CNTNAP4: variants seen among roughly 807,000 people sequenced by gnomAD.
CNTNAP4 encodes contactin-associated protein-like 4.
CNTNAP4 carries 98 observed loss-of-function variants against 148.4 expected under a neutral mutation model. That is an observed-to-expected ratio of 0.66 (90% confidence interval 0.56 to 0.78). The LOEUF is 0.78. Ranked by LOEUF, CNTNAP4 falls within the 30% of genes least tolerant of loss-of-function variation. CNTNAP4 has a pLI of 0.00. For synonymous variants in CNTNAP4, 730 were observed against 565.1 expected (o/e 1.29, Z -4.14); for missense variants, 1,935 against 1,565.6 (o/e 1.24, Z -3.98).
intron 3 of CNTNAP4, among the ~76,000 whole-genome samples, chr16:76,425,849 G>C (rs928198873): frequency 6.6e-5 from 10 of 152,140 alleles, no homozygotes; most frequent in Non-Finnish European, 1.5e-4. Flanking sequence ...TTTAGATTTT[G>C]TTCTAAGTGG....
intron 15 of CNTNAP4, among the ~76,000 whole-genome samples, chr16:76,518,268 C>G (rs780289997): frequency 6.6e-6 from 1 of 152,198 alleles, no homozygotes; most frequent in South Asian, 2.1e-4. Context: ...GTGGGGGTTA[C>G]AGGCATCTGC....
At chr16:76,477,019 A>G (rs1183988936) in intron 11 of CNTNAP4, among the ~76,000 whole-genome samples, 1 of 151,954 alleles carries the variant, frequency 6.6e-6, no homozygotes, top group Non-Finnish European at 1.5e-5. Context: ...CTATGTCCTA[A>G]CTCGTTTAAT....
intron 3 of CNTNAP4, among the ~76,000 whole-genome samples, chr16:76,402,549 T>G (rs896360798): frequency 1.3e-5 from 2 of 152,190 alleles, no homozygotes; most frequent in South Asian, 4.1e-4. Flanking sequence ...CGTTTCTTGA[T>G]TTCCTTCAGT....
chr16:76,458,068 T>C (rs1044418244), intron 8 of CNTNAP4, among the ~76,000 whole-genome samples: 4 of 152,178 alleles, frequency 2.6e-5, no homozygotes, highest in African/African-American at 9.7e-5. Context: ...TGTTTTTGTG[T>C]TAATTCACTT....
rs543383543 is a variant in CNTNAP4 at position 76,453,895 on chromosome 16, C to G, written c.1333+1126C>G. Among the ~76,000 whole-genome samples, 13 of 151,768 alleles carry G rather than the reference C, an allele frequency of 8.6e-5. No individual in the cohort carries two copies. In the South Asian group the frequency reaches 2.7e-3, roughly 32 times the overall value. On this transcript the variant is annotated intron_variant, in intron 8 of 23. Transcript: ENST00000611870. ...AAATGTGGTAGATTTGCTGGCTAGA[C>G]AAAAAGAAATAAATTAATGAGTCTC...
intron 12 of CNTNAP4, among the ~76,000 whole-genome samples, chr16:76,487,414 C>T (rs1219279488): frequency 6.6e-6 from 1 of 152,174 alleles, no homozygotes; most frequent in Non-Finnish European, 1.5e-5. Flanking sequence ...GTAAAGTCAA[C>T]CACAAAGTAT....
intron 15 of CNTNAP4, among the ~76,000 whole-genome samples, chr16:76,517,090 TA>T (rs1401678846): frequency 6.6e-6 from 1 of 152,194 alleles, no homozygotes; most frequent in African/African-American, 2.4e-5. Flanking sequence ...TGATTTTTTT[TA>T]AAAGTAAGCC....
At chr16:76,412,864 A>G (rs2078846152) in intron 3 of CNTNAP4, among the ~76,000 whole-genome samples, 1 of 151,494 alleles carries the variant, frequency 6.6e-6, no homozygotes, top group Admixed American at 6.6e-5. Context: ...AAAATCGTGA[A>G]AATATTCAGC....
At chr16:76,376,448 T>C (rs2015421565) in intron 3 of CNTNAP4, among the ~76,000 whole-genome samples, 1 of 152,128 alleles carries the variant, frequency 6.6e-6, no homozygotes, top group Non-Finnish European at 1.5e-5. Flanking sequence ...GTCTTCTTAT[T>C]ATAAAGGAAG....
At chr16:76,423,866 A>G (rs950884864) in intron 3 of CNTNAP4, among the ~76,000 whole-genome samples, 64 of 152,258 alleles carry the variant, frequency 4.2e-4, no homozygotes, top group Middle Eastern at 3.4e-3. Flanking sequence ...CCAGAGTGCT[A>G]CTAAGTAATG....
chr16:76,397,015 A>C (rs372215756), intron 3 of CNTNAP4, among the ~76,000 whole-genome samples: 4 of 152,298 alleles, frequency 2.6e-5, no homozygotes, highest in African/African-American at 9.6e-5. Flanking sequence ...TTGGGACTTA[A>C]GCAATGGAGA....
intron 3 of CNTNAP4, among the ~76,000 whole-genome samples, chr16:76,361,251 G>A (rs912180920): frequency 2.6e-5 from 4 of 152,086 alleles, no homozygotes; most frequent in Non-Finnish European, 5.9e-5. Context: ...GGACTCAATC[G>A]TTTTGCTTAA....
At chr16:76,297,737 C>T (rs1959464364) in intron 1 of CNTNAP4, among the ~76,000 whole-genome samples, 1 of 152,180 alleles carries the variant, frequency 6.6e-6, no homozygotes, top group Non-Finnish European at 1.5e-5. Flanking sequence ...GCAAATCCTT[C>T]AGCATGCTGT....
intron 7 of CNTNAP4, among the ~76,000 whole-genome samples, chr16:76,451,451 C>T (rs2080467687): frequency 1.3e-5 from 2 of 152,038 alleles, no homozygotes; most frequent in African/African-American, 4.8e-5. Context: ...AAGCACATCA[C>T]AAGTGTATTT....
chr16:76,477,524 C>T (rs2081635156), intron 11 of CNTNAP4, among the ~76,000 whole-genome samples: 1 of 152,156 alleles, frequency 6.6e-6, no homozygotes, highest in Admixed American at 6.5e-5. Context: ...ACAGAGGACC[C>T]TCAGAAGCCC....
At position 76,408,406 on chromosome 16, in the gene CNTNAP4, C is replaced by T. The variant is rs530459701; in HGVS notation, c.391-19046C>T. Among the ~76,000 whole-genome samples, 135 of 137,708 alleles carry T rather than the reference C, an allele frequency of 9.8e-4. 1 individual carries two copies. Among genetic ancestry groups the T allele is most frequent in the African/African-American group, 3.3e-3 (127 of 38,290 alleles). The allele number at this position is 137,708 out of a possible 152,430, so 90.3% of individuals were successfully genotyped here. A position where few individuals can be genotyped will look rare whatever the true frequency, so the allele number is the denominator to read the frequency against. ...CAATTAACAGTTGTTAATCTATTAA[C>T]AATTAACAACCACCACCCACATTCA... is the stretch of plus-strand genomic sequence containing the variant. On this transcript the variant is annotated intron_variant, in intron 3 of 23. Coordinates refer to ENST00000611870, the MANE Select transcript of CNTNAP4 (RefSeq NM_033401.5).
rs1328938055 is a variant in CNTNAP4 at position 76,462,025 on chromosome 16, C to T, written c.1403C>T (p.Ala468Val). The T allele has an allele frequency of 2.0e-5, 33 of 1,613,502 alleles. No homozygotes were observed. Among genetic ancestry groups the T allele is most frequent in the Non-Finnish European group, 2.5e-5 (29 of 1,179,654 alleles). ...LSAKKNHLSV[A>V]VDGQMASAAP... ...GCTAAAAAGAATCACTTGAGTGTGG[C>T]GGTGGACGGCCAGATGGCTTCTGCT... is the stretch of plus-strand genomic sequence containing the variant. The change falls in exon 9 of 24, where the codon GCG becomes GTG. Residue 468 changes from alanine to valine, a missense_variant. Physicochemically the swap from Ala to Val is moderately conservative, Grantham distance 64. Coordinates refer to ENST00000611870, the MANE Select transcript of CNTNAP4 (RefSeq NM_033401.5).
chr16:76,473,798 G>T (rs908276110), intron 10 of CNTNAP4, among the ~76,000 whole-genome samples: 5 of 151,766 alleles, frequency 3.3e-5, no homozygotes, highest in Non-Finnish European at 5.9e-5. Flanking sequence ...AAAGGAGATT[G>T]CGGAAACCCT....
chr16:76,284,312 A>G (rs567783841), intron 1 of CNTNAP4, among the ~76,000 whole-genome samples: 1 of 152,032 alleles, frequency 6.6e-6, no homozygotes, highest in Non-Finnish European at 1.5e-5. Flanking sequence ...AGGAATATTT[A>G]GGAATACTCT....
Sources: gnomAD v4.1 joint callset for allele counts (sites outside exome capture counted in the v4.1 genomes callset) on GRCh38, gnomAD v4.1.1 for gene constraint, MANE v1.5 for transcripts, NCBI Gene and HGNC (gene_info 2026-07-23, HGNC 2026-07-21) for gene names.